SH3RF2: variants seen among roughly 807,000 people sequenced by gnomAD.
SH3RF2 encodes the protein SH3 domain containing ring finger 2.
A neutral mutation model predicts 59.0 loss-of-function variants in SH3RF2; 43 were observed. That is an observed-to-expected ratio of 0.73 (90% CI 0.57 to 0.94). The LOEUF (loss-of-function observed/expected upper bound fraction) is 0.94. Among genes scored for constraint, SH3RF2 ranks in the 40% least tolerant of loss-of-function variants. The pLI, the probability that SH3RF2 is intolerant of heterozygous loss-of-function variation, is 0.00. For missense variants in SH3RF2, 930 were observed against 940.1 expected (o/e 0.99, Z 0.14); for synonymous variants, 391 against 391.5 (o/e 1.00, Z 0.01).
At chr5:146,017,270 T>C (rs1315831057) in intron 5 of SH3RF2, among the ~76,000 whole-genome samples, 2 of 152,142 alleles carry the variant, frequency 1.3e-5, no homozygotes, top group Non-Finnish European at 2.9e-5. Context: ...AGTGGGTGGA[T>C]TGAAACCAAT....
At chr5:145,987,459 GA>G (rs1759759169) in intron 2 of SH3RF2, among the ~76,000 whole-genome samples, 1 of 152,068 alleles carries the variant, frequency 6.6e-6, no homozygotes, top group East Asian at 1.9e-4. Context: ...AATAAATAAA[GA>G]GAGAAACACA....
rs1157553921 is a variant in SH3RF2, at chr5:145,936,690, A to T, written c.-111A>T. ...GCTGAACTCAGCAGAAGTTACATGC[A>T]CAAGGTTAGTGGCCCCCACACGCCT... On this transcript the variant is annotated 5_prime_UTR_variant, in exon 1 of 10. Coordinates refer to ENST00000359120, the MANE Select transcript of SH3RF2 (RefSeq NM_152550.4). 2 of 152,318 alleles carry T rather than the reference A, an allele frequency of 1.3e-5. No homozygotes were observed. The highest frequency in any genetic ancestry group is 2.4e-5 in the African/African-American group (1 of 41,466). 9.4% of individuals were successfully genotyped at this position (152,318 alleles called of 1,614,324 possible). A position where few individuals can be genotyped will look rare whatever the true frequency, so the allele number is the denominator to read the frequency against.
intron 2 of SH3RF2, among the ~76,000 whole-genome samples, chr5:145,987,278 T>C (rs1011860206): frequency 6.6e-6 from 1 of 152,156 alleles, no homozygotes; most frequent in African/African-American, 2.4e-5. Context: ...TTTGTGAGAT[T>C]TGGGTGCACC....
chr5:145,985,200 G>T (rs1315038633), intron 2 of SH3RF2, among the ~76,000 whole-genome samples: 1 of 152,190 alleles, frequency 6.6e-6, no homozygotes, highest in East Asian at 1.9e-4. Context: ...GAACTGAGAG[G>T]GAAGAAGTCC....
chr5:146,048,571 A>G (rs1461501760), intron 6 of SH3RF2, among the ~76,000 whole-genome samples: 1 of 152,218 alleles, frequency 6.6e-6, no homozygotes, highest in Non-Finnish European at 1.5e-5. Context: ...ACACTCCCCC[A>G]TTCCCTTTGA....
intron 2 of SH3RF2, among the ~76,000 whole-genome samples, chr5:145,976,605 A>G (rs575450890): frequency 1.1e-4 from 17 of 152,346 alleles, no homozygotes; most frequent in East Asian, 9.6e-4. Context: ...AGTTCTAACT[A>G]GAAAAGTCAA....
intron 2 of SH3RF2, among the ~76,000 whole-genome samples, chr5:145,968,789 A>G (rs947951727): frequency 1.7e-4 from 26 of 152,218 alleles, no homozygotes; most frequent in Non-Finnish European, 2.8e-4. Context: ...TAAATGCTCA[A>G]TAGCCACATA....
chr5:146,010,311 C>A (rs1001584754), intron 4 of SH3RF2, among the ~76,000 whole-genome samples: 5 of 152,186 alleles, frequency 3.3e-5, no homozygotes, highest in Non-Finnish European at 7.3e-5. Context: ...CAAGTCTTTG[C>A]TATTGTGAAT....
chr5:146,055,807 G>C, intron 7 of SH3RF2, 174 bp from the exon 8 acceptor site: 1 of 701,406 alleles, frequency 1.4e-6, no homozygotes. Context: ...GGGAGGTGGG[G>C]CCAACTTTAG....
At chr5:146,009,796 T>C (rs1483160484) in intron 4 of SH3RF2, among the ~76,000 whole-genome samples, 4 of 152,246 alleles carry the variant, frequency 2.6e-5, no homozygotes, top group East Asian at 1.9e-4. Context: ...GCAAGAACCA[T>C]ATCTTCTTTA....
chr5:145,939,422 C>A (rs116550899), intron 2 of SH3RF2, among the ~76,000 whole-genome samples: 1 of 152,200 alleles, frequency 6.6e-6, no homozygotes. Flanking sequence ...GCTTGTGATA[C>A]GCATTTGGAA....
chr5:145,946,776 T>C (rs1758018331), intron 2 of SH3RF2, among the ~76,000 whole-genome samples: 1 of 152,170 alleles, frequency 6.6e-6, no homozygotes, highest in South Asian at 2.1e-4. Context: ...TCATCTTAAC[T>C]GACACTTAGT....
At position 146,013,848 on chromosome 5, in the gene SH3RF2, G is replaced by T. The variant is rs781519837; in HGVS notation, c.846G>T (p.Thr282=). The T allele has an allele frequency of 1.9e-6, 3 of 1,614,116 alleles. No homozygotes were observed. In the South Asian group the frequency reaches 3.3e-5, roughly 18 times the overall value. The part of the protein sequence containing the change: ...SLVSSSSRGN[T]STLRRGPGSR... ...TGTCCTCGTCCTCCAGAGGCAACACGTCTACCCTCCGTAGGGGCCCAGGGT... is the reference window on the plus strand; with the variant it reads ...TGTCCTCGTCCTCCAGAGGCAACACTTCTACCCTCCGTAGGGGCCCAGGGT... The change falls in exon 5 of 10, where the codon ACG becomes ACT. Residue 282 remains threonine (T), a synonymous_variant. Transcript: ENST00000359120.
rs371195499 is a variant in SH3RF2, at chr5:146,013,976, C to T, written c.974C>T (p.Thr325Ile). ...PSGRHMVEISTPVLISSSNPS... is the reference protein window; with the variant it reads ...PSGRHMVEISIPVLISSSNPS... ...GGGCGCCATATGGTAGAGATCAGCA[C>T]CCCAGTGCTCATCAGCTCCAGCAAC... The change falls in exon 5 of 10, where the codon ACC (threonine) becomes ATC (isoleucine). Residue 325 changes from threonine (T) to isoleucine (I), a missense_variant. Thr to Ile is a moderately conservative substitution (Grantham distance 89). Coordinates refer to ENST00000359120, the MANE Select transcript of SH3RF2 (RefSeq NM_152550.4). 151 of 1,613,998 alleles carry T rather than the reference C, an allele frequency of 9.4e-5. No homozygotes were observed. Among genetic ancestry groups the T allele is most frequent in the Non-Finnish European group, 1.2e-4 (140 of 1,180,022 alleles).
intron 7 of SH3RF2, among the ~76,000 whole-genome samples, chr5:146,052,426 G>A (rs911239048): frequency 3.9e-5 from 6 of 152,170 alleles, no homozygotes; most frequent in Non-Finnish European, 8.8e-5. Flanking sequence ...AACAGATGGA[G>A]TTTCAGCACA....
intron 9 of SH3RF2, among the ~76,000 whole-genome samples, chr5:146,073,363 C>A (rs1763275006): frequency 6.6e-6 from 1 of 152,234 alleles, no homozygotes; most frequent in Non-Finnish European, 1.5e-5. Flanking sequence ...CTTGCAGCTT[C>A]CCAAGGTTGA....
chr5:146,059,774 T>C, intron 8 of SH3RF2, 92 bp from the exon 9 acceptor site: 1 of 871,748 alleles, frequency 1.1e-6, no homozygotes, highest in South Asian at 2.8e-5. Flanking sequence ...GCTTGTCTAT[T>C]CTGGGATATC....
chr5:146,006,102 C>T (rs183131104), intron 4 of SH3RF2, among the ~76,000 whole-genome samples: 1 of 152,160 alleles, frequency 6.6e-6, no homozygotes, highest in East Asian at 1.9e-4. Flanking sequence ...GAAAGTATTC[C>T]AGTAATTGCA....
At chr5:145,954,891 G>C (rs1379824550) in intron 2 of SH3RF2, among the ~76,000 whole-genome samples, 2 of 152,038 alleles carry the variant, frequency 1.3e-5, no homozygotes, top group African/African-American at 4.8e-5. Flanking sequence ...GAGAGGGAGA[G>C]AGTGGAGAGG....
Sources: allele counts gnomAD v4.1 joint callset (sites outside exome capture counted in the v4.1 genomes callset), GRCh38; gene constraint gnomAD v4.1.1; transcripts MANE v1.5; gene names NCBI Gene and HGNC (gene_info 2026-07-23, HGNC 2026-07-21).